YAF2: variants seen among roughly 807,000 people sequenced by gnomAD.
The protein encoded by YAF2 is YY1 associated factor 2, also known as YY1-associated factor 2.
A neutral mutation model predicts 20.1 loss-of-function variants in YAF2; 7 were observed. That is an observed-to-expected ratio of 0.35 (90% CI 0.20 to 0.65). The LOEUF (loss-of-function observed/expected upper bound fraction) is 0.65, where lower values mean the gene tolerates loss of function less well. Ranked by LOEUF, YAF2 falls within the 30% of genes least tolerant of loss-of-function variation. The pLI is 0.69. For missense variants in YAF2, 151 were observed against 219.2 expected (o/e 0.69, Z 1.96); for synonymous variants, 74 against 76.0 (o/e 0.97, Z 0.14).
Position 42,237,700 on chromosome 12 carries a change from G to C in YAF2, c.51C>G (p.Ser17=). 1 of 1,567,904 alleles carries C rather than the reference G, an allele frequency of 6.4e-7. No individual in the cohort carries two copies. The highest frequency in any genetic ancestry group is 1.2e-5 in the South Asian group (1 of 86,012). Residue 17 remains serine, a synonymous_variant, in exon 2 of 4, where the codon TCC becomes TCG. Coordinates refer to ENST00000534854, the MANE Select transcript of YAF2 (RefSeq NM_005748.6). ...TACAGTCCCAGTAACCCTCATCCGA[G>C]GACGGCTTCGGCTGCCGCTTCGGCC... ...PTRPKRQPKP[S]SDEGYWDCSV...
intron 2 of YAF2, among the ~76,000 whole-genome samples, chr12:42,173,964 CT>C (rs1376865256): frequency 6.6e-6 from 1 of 152,156 alleles, no homozygotes; most frequent in African/African-American, 2.4e-5. Flanking sequence ...ATCCATCTCT[CT>C]GCCCACTGGA....
intron 2 of YAF2, chr12:42,205,850 G>A (rs1217476981): frequency 1.2e-5 from 5 of 400,584 alleles, no homozygotes; most frequent in African/African-American, 1.0e-4. Context: ...TACCATTTTT[G>A]TGCATCCCTC....
chr12:42,204,120 C>G (rs1471678084), intron 2 of YAF2, among the ~76,000 whole-genome samples: 1 of 152,076 alleles, frequency 6.6e-6, no homozygotes, highest in South Asian at 2.1e-4. Context: ...CCACTTCACA[C>G]AAACTAGAAA....
chr12:42,211,876 C>T (rs149319478), intron 2 of YAF2, among the ~76,000 whole-genome samples: 1 of 151,892 alleles, frequency 6.6e-6, no homozygotes, highest in African/African-American at 2.4e-5. Flanking sequence ...TAGTGAAACC[C>T]CGTCTCTACT....
In YAF2 at chr12:42,158,424, T is replaced by C. The variant is rs1165495322; in HGVS notation, c.*2165A>G. 1 of 152,236 alleles carries C rather than the reference T, an allele frequency of 6.6e-6. No homozygotes were observed. 9.4% of individuals were successfully genotyped at this position (152,236 alleles called of 1,614,324 possible). A position where few individuals can be genotyped will look rare whatever the true frequency, so the allele number is the denominator to read the frequency against. The stretch of plus-strand genomic sequence containing the variant: ...TATTTTTGTAATGGGATTTTACCTA[T>C]AACAATGGTAAAAGCTCACATTTAC... On this transcript the variant is annotated 3_prime_UTR_variant, in exon 4 of 4. Transcript: ENST00000534854.
At chr12:42,206,890 T>C (rs969457170) in intron 2 of YAF2, among the ~76,000 whole-genome samples, 2 of 152,142 alleles carry the variant, frequency 1.3e-5, no homozygotes, top group East Asian at 1.9e-4. Context: ...TTCAAAGCCA[T>C]AGAAAAGTTG....
intron 2 of YAF2, chr12:42,210,209 A>C (rs1386195068): frequency 2.1e-5 from 9 of 420,438 alleles, no homozygotes; most frequent in Non-Finnish European, 4.0e-5. Flanking sequence ...TACTGTCCAC[A>C]CAATAATTTC....
intron 2 of YAF2, among the ~76,000 whole-genome samples, chr12:42,199,952 C>T (rs1467131632): frequency 2.0e-5 from 3 of 152,098 alleles, no homozygotes; most frequent in African/African-American, 7.2e-5. Flanking sequence ...TGCCTGACAA[C>T]CAATGGAATC....
chr12:42,211,583 A>G (rs2067211284), intron 2 of YAF2, among the ~76,000 whole-genome samples: 1 of 151,262 alleles, frequency 6.6e-6, no homozygotes, highest in Admixed American at 6.6e-5. Context: ...CATCTCTACT[A>G]AAAATACAAA....
At chr12:42,183,188 T>TG (rs1321977291) in intron 2 of YAF2, among the ~76,000 whole-genome samples, 1 of 152,178 alleles carries the variant, frequency 6.6e-6, no homozygotes, top group African/African-American at 2.4e-5. Context: ...ACTGACCAGC[T>TG]GTTCCCTGTC....
chr12:42,237,738 C>A lies in YAF2; in HGVS notation c.27-14G>T. 2 of 1,527,590 alleles carry A rather than the reference C, an allele frequency of 1.3e-6. No individual in the cohort carries two copies. Among genetic ancestry groups the A allele is most frequent in the South Asian group, 2.4e-5 (2 of 82,320 alleles). The allele number at this position is 1,527,590 out of a possible 1,614,324, so 94.6% of individuals were successfully genotyped here. A position where few individuals can be genotyped will look rare whatever the true frequency, so the allele number is the denominator to read the frequency against. On this transcript the variant is annotated splice_polypyrimidine_tract_variant and intron_variant, in intron 1 of 3. Transcript: ENST00000534854. Reference sequence around the variant, plus strand: ...TGCCGCTTCGGCCTGCAGGACACAACCCGGACACGACGCGGCGCGGGGTCA... The same window carrying A: ...TGCCGCTTCGGCCTGCAGGACACAAACCGGACACGACGCGGCGCGGGGTCA...
intron 2 of YAF2, chr12:42,233,546 C>T (rs1045661515): frequency 2.2e-6 from 2 of 906,476 alleles, no homozygotes; most frequent in Non-Finnish European, 1.3e-6. Flanking sequence ...AGGTCTCACT[C>T]TGTTGCCCAG....
chr12:42,215,051 A>T (rs947595953), intron 2 of YAF2, among the ~76,000 whole-genome samples: 1 of 152,078 alleles, frequency 6.6e-6, no homozygotes, highest in East Asian at 1.9e-4. Flanking sequence ...GAGAGTAAAA[A>T]TGTGTCTTGT....
At chr12:42,233,624 A>C (rs533595347) in intron 2 of YAF2, 2 of 615,736 alleles carry the variant, frequency 3.2e-6, no homozygotes, top group Non-Finnish European at 4.1e-6. Context: ...GGATCCTCCC[A>C]CTTCAGCCTC....
At chr12:42,216,802 AC>A (rs1476267990) in intron 2 of YAF2, among the ~76,000 whole-genome samples, 15 of 152,158 alleles carry the variant, frequency 9.9e-5, no homozygotes, top group Admixed American at 9.8e-4. Flanking sequence ...GCAAACTATT[AC>A]CTTCCCCCAA....
intron 2 of YAF2, among the ~76,000 whole-genome samples, chr12:42,213,115 G>A (rs1238709735): frequency 5.9e-5 from 9 of 152,234 alleles, no homozygotes; most frequent in South Asian, 2.1e-4. Context: ...AGTCCAAGGC[G>A]GGCCTTTCTC....
chr12:42,232,927 G>T, intron 2 of YAF2: 4 of 985,232 alleles, frequency 4.1e-6, no homozygotes, highest in Non-Finnish European at 4.8e-6. Flanking sequence ...ACACATAAAG[G>T]AAAGATCTAC....
chr12:42,211,152 C>A (rs897638153), intron 2 of YAF2, among the ~76,000 whole-genome samples: 3 of 152,036 alleles, frequency 2.0e-5, no homozygotes, highest in Admixed American at 6.6e-5. Flanking sequence ...CCAGGCCAGG[C>A]GTGGTGGCTC....
chr12:42,233,007 TA>T, intron 2 of YAF2: 2 of 985,420 alleles, frequency 2.0e-6, no homozygotes, highest in Non-Finnish European at 2.4e-6. Context: ...TGTAAAATTT[TA>T]AAGAAACAAA....
Sources: allele counts gnomAD v4.1 joint callset (sites outside exome capture counted in the v4.1 genomes callset), GRCh38; gene constraint gnomAD v4.1.1; transcripts MANE v1.5; gene names NCBI Gene and HGNC (gene_info 2026-07-23, HGNC 2026-07-21).